The following CCDC102A variants were observed in gnomAD, a reference collection of about 807,000 sequenced individuals.
CCDC102A encodes the protein coiled-coil domain-containing protein 102A.
In CCDC102A, 40 loss-of-function variants were observed where a neutral mutation model predicts 55.5. The ratio of observed to expected loss-of-function variants is 0.72; its 90% confidence interval spans 0.56 to 0.94. The LOEUF is 0.94. Among genes scored for constraint, CCDC102A ranks in the 40% least tolerant of loss-of-function variants. The pLI, the probability that CCDC102A is intolerant of heterozygous loss-of-function variation, is 0.00. For synonymous variants in CCDC102A, 323 were observed against 339.0 expected (o/e 0.95, Z 0.52); for missense variants, 779 against 768.6 (o/e 1.01, Z -0.16).
In CCDC102A at chr16:57,529,217, G is replaced by A; in HGVS notation, c.-40C>T. The A allele has an allele frequency of 8.7e-7, 1 of 1,153,432 alleles. No individual in the cohort carries two copies. Among genetic ancestry groups the A allele is most frequent in the East Asian group, 4.0e-5 (1 of 24,786 alleles). The allele number at this position is 1,153,432 out of a possible 1,614,324, so 71.4% of individuals were successfully genotyped here. ...GGCCCTGAGCTCGAACTCGCGGTCG[G>A]GCTCAGGGGCGGCTCCGGGGACGCG... On this transcript the variant is annotated 5_prime_UTR_variant, in exon 2 of 9. Transcript: ENST00000258214. The surrounding 1 kb of genome is among the most constrained non-coding windows in gnomAD (Gnocchi z 4.1).
chr16:57,519,172 C>T (rs1291795281), intron 4 of CCDC102A, among the ~76,000 whole-genome samples: 1 of 152,246 alleles, frequency 6.6e-6, no homozygotes, highest in Non-Finnish European at 1.5e-5. Flanking sequence ...GTACTCCAGG[C>T]ACCAGGGACT....
rs2031961963 is a variant in CCDC102A, at chr16:57,516,757, C to T, written c.1249-294G>A. Among the ~76,000 whole-genome samples the T allele has an allele frequency of 6.6e-6, 1 of 151,906 alleles. No individual in the cohort carries two copies. The highest frequency in any genetic ancestry group is 6.6e-5 in the Admixed American group (1 of 15,262). ...TACCCTGGAGCTGTTGGAGCAGGGT[C>T]GGGGTTTCCGGGGAAGGATGAGGTC... On this transcript the variant is annotated intron_variant, in intron 6 of 8. Transcript: ENST00000258214. The surrounding 1 kb of genome is among the most constrained non-coding windows in gnomAD (Gnocchi z 4.4).
At chr16:57,535,136 C>T (rs967087490) in intron 1 of CCDC102A, among the ~76,000 whole-genome samples, 1 of 152,196 alleles carries the variant, frequency 6.6e-6, no homozygotes, top group Non-Finnish European at 1.5e-5. Flanking sequence ...CAGAGGACAG[C>T]CTGATTGAAT....
At chr16:57,520,189 C>T (rs2032021420) in intron 4 of CCDC102A, among the ~76,000 whole-genome samples, 1 of 152,228 alleles carries the variant, frequency 6.6e-6, no homozygotes, top group African/African-American at 2.4e-5. Context: ...CTCCTGCGGC[C>T]TCGCCTCTCA....
At chr16:57,531,886 G>A (rs1223648932) in intron 1 of CCDC102A, among the ~76,000 whole-genome samples, 1 of 152,218 alleles carries the variant, frequency 6.6e-6, no homozygotes, top group African/African-American at 2.4e-5. Flanking sequence ...CCAGGCATTG[G>A]AGGTCTACAC....
chr16:57,525,538 C>G (rs33985499), intron 3 of CCDC102A, among the ~76,000 whole-genome samples: 40,210 of 152,078 alleles, frequency 0.26, 5,861 homozygotes, highest in African/African-American at 0.39. Flanking sequence ...ACGTCCAAAA[C>G]CAAGGTCCCA....
intron 4 of CCDC102A, among the ~76,000 whole-genome samples, chr16:57,519,948 G>C (rs1327787504): frequency 6.6e-6 from 1 of 152,210 alleles, no homozygotes; most frequent in Non-Finnish European, 1.5e-5. Flanking sequence ...CCCTCTGGTG[G>C]CCATTGAGGC....
chr16:57,533,688 T>A (rs1355955146), intron 1 of CCDC102A, among the ~76,000 whole-genome samples: 2 of 148,232 alleles, frequency 1.3e-5, no homozygotes, highest in Non-Finnish European at 3.0e-5. Context: ...ACAGCCCCAG[T>A]AACGTGCACA....
At chr16:57,530,008 GA>G (rs1483413052) in intron 1 of CCDC102A, among the ~76,000 whole-genome samples, 4 of 152,310 alleles carry the variant, frequency 2.6e-5, no homozygotes, top group Non-Finnish European at 4.4e-5. Flanking sequence ...TGGAGGTGAA[GA>G]AAATGATTAC....
At chr16:57,522,699 G>A (rs995616988) in intron 3 of CCDC102A, among the ~76,000 whole-genome samples, 8 of 152,206 alleles carry the variant, frequency 5.3e-5, no homozygotes, top group African/African-American at 1.9e-4. Context: ...TGACTTAAAT[G>A]TGCAGATACA....
chr16:57,527,144 G>A (rs1056491029), intron 2 of CCDC102A, among the ~76,000 whole-genome samples: 10 of 148,670 alleles, frequency 6.7e-5, no homozygotes, highest in African/African-American at 1.8e-4. Context: ...GCTAGCCTAC[G>A]GGATGGAGGG....
At position 57,521,137 on chromosome 16, in the gene CCDC102A, C is replaced by A; in HGVS notation, c.852G>T (p.Glu284Asp). 1 of 1,613,596 alleles carries A rather than the reference C, an allele frequency of 6.2e-7. No individual in the cohort carries two copies. Among genetic ancestry groups the A allele is most frequent in the Non-Finnish European group, 8.5e-7 (1 of 1,179,992 alleles). ...TGATCTTCCACTGGCTGAGCTCCCC[C>A]TCTAGCTTCTCAATGTTCCTGCTCA... Reference protein sequence around the residue: ...LALSRNIEKLEGELSQWKIKY... With the variant: ...LALSRNIEKLDGELSQWKIKY... The change falls in exon 4 of 9, where the codon GAG becomes GAT. Residue 284 changes from glutamate (E) to aspartate (D), a missense_variant. Coordinates refer to ENST00000258214, the MANE Select transcript of CCDC102A (RefSeq NM_033212.4).
chr16:57,528,567 G>A (rs762599619), intron 2 of CCDC102A, 26 bp downstream of exon 2: 2 of 1,211,366 alleles, frequency 1.7e-6, no homozygotes, highest in African/African-American at 3.2e-5. Context: ...AGACTGGAGC[G>A]CGAACGCCCC....
chr16:57,515,209 G>T (rs1313144097), intron 8 of CCDC102A, 132 bp downstream of exon 8: 3 of 678,460 alleles, frequency 4.4e-6, no homozygotes, highest in Non-Finnish European at 8.0e-6. Context: ...GGAGGGGACA[G>T]GATTCTGGCT....
At chr16:57,525,084 T>G in intron 3 of CCDC102A, among the ~76,000 whole-genome samples, 1 of 46,532 alleles carries the variant, frequency 2.1e-5, no homozygotes, top group South Asian at 8.1e-4. Flanking sequence ...GTTTTATTTA[T>G]TTATTTATTT....
chr16:57,525,529 C>G (rs112320474), intron 3 of CCDC102A, among the ~76,000 whole-genome samples: 4 of 152,310 alleles, frequency 2.6e-5, no homozygotes, highest in African/African-American at 9.6e-5. Flanking sequence ...CAAACTCACA[C>G]GTCCAAAACC....
At chr16:57,522,172 T>C (rs1487739473) in intron 3 of CCDC102A, among the ~76,000 whole-genome samples, 9 of 152,232 alleles carry the variant, frequency 5.9e-5, no homozygotes, top group African/African-American at 2.2e-4. Context: ...GTAATTTTTA[T>C]ACTAACATAC....
intron 8 of CCDC102A, among the ~76,000 whole-genome samples, chr16:57,514,191 G>A (rs2031915439): frequency 6.6e-6 from 1 of 152,140 alleles, no homozygotes; most frequent in African/African-American, 2.4e-5. Flanking sequence ...TTATGTGCCA[G>A]GTGTTTTCTT....
At position 57,525,897 on chromosome 16, in the gene CCDC102A, T is replaced by C; in HGVS notation, c.812+4A>G. ...CCTGCCCCCTCCCGCCTCCCACGAC[T>C]CACTCTCGCTCCTTGAGCAGCACCT... On this transcript the variant is annotated splice_donor_region_variant and intron_variant, in intron 3 of 8. Coordinates refer to ENST00000258214, the MANE Select transcript of CCDC102A (RefSeq NM_033212.4). The C allele has an allele frequency of 6.2e-7, 1 of 1,611,898 alleles. No homozygotes were observed.
Sources: gnomAD v4.1 joint callset for allele counts (sites outside exome capture counted in the v4.1 genomes callset) on GRCh38, gnomAD v4.1.1 for gene constraint, Gnocchi (gnomAD v3.1) non-coding constraint, MANE v1.5 for transcripts, NCBI Gene and HGNC (gene_info 2026-07-23, HGNC 2026-07-21) for gene names.